Variants in MROH2B observed in about 807,000 individuals in gnomAD.
MROH2B encodes maestro heat like repeat family member 2B, also known as maestro heat-like repeat-containing protein family member 2B.
A neutral mutation model predicts 208.6 loss-of-function variants in MROH2B; 177 were observed. The observed-to-expected ratio is 0.85, with a 90% CI of 0.75 to 0.96. MROH2B has a LOEUF of 0.96. MROH2B is among the 40% of genes least tolerant of loss of function. The pLI, the probability that MROH2B is intolerant of heterozygous loss-of-function variation, is 0.00. For missense variants in MROH2B, 2,002 were observed against 1,878.7 expected, an observed-to-expected ratio of 1.07 and a Z score of -1.21; for synonymous variants, 728 against 659.0, an observed-to-expected ratio of 1.10 and a Z score of -1.60.
At chr5:41,046,086 A>G (rs1278079188) in intron 17 of MROH2B, among the ~76,000 whole-genome samples, 3 of 152,208 alleles carry the variant, frequency 2.0e-5, no homozygotes, top group African/African-American at 4.8e-5. Context: ...TGGAAAATCA[A>G]CTTCCTTTTC....
chr5:41,041,414 G>T (rs1742943299), intron 19 of MROH2B, among the ~76,000 whole-genome samples: 1 of 152,088 alleles, frequency 6.6e-6, no homozygotes, highest in South Asian at 2.1e-4. Context: ...ATCACCTGAG[G>T]TCAGGAGTTC....
chr5:41,044,835 G>T (rs76691074), intron 18 of MROH2B, among the ~76,000 whole-genome samples: 2,291 of 152,182 alleles, frequency 0.015, 61 homozygotes, highest in African/African-American at 0.052. Flanking sequence ...ACTTATGAAT[G>T]GTATTAGCAT....
At chr5:41,055,717 T>C (rs1743426029) in intron 10 of MROH2B, 25 bp downstream of exon 10, 3 of 1,565,342 alleles carry the variant, frequency 1.9e-6, no homozygotes, top group Non-Finnish European at 2.6e-6. Flanking sequence ...AAATAAACCA[T>C]GTTGGCTTCA....
intron 24 of MROH2B, among the ~76,000 whole-genome samples, chr5:41,023,162 C>A (rs937957168): frequency 6.6e-6 from 1 of 152,206 alleles, no homozygotes; most frequent in Non-Finnish European, 1.5e-5. Context: ...AAAGCAGCTC[C>A]TCACAAGCAA....
At chr5:41,021,805 A>T (rs1742158195) in intron 24 of MROH2B, among the ~76,000 whole-genome samples, 1 of 152,148 alleles carries the variant, frequency 6.6e-6, no homozygotes. Flanking sequence ...TGAGCCCAGG[A>T]GGTCAAGGTG....
intron 16 of MROH2B, 94 bp downstream of exon 16, chr5:41,048,230 A>G (rs1743181298): frequency 1.4e-6 from 2 of 1,410,258 alleles, no homozygotes. Flanking sequence ...TTTATTGCCT[A>G]AAATGAGCAT....
intron 28 of MROH2B, among the ~76,000 whole-genome samples, chr5:41,016,068 C>T (rs763935683): frequency 6.6e-6 from 1 of 151,956 alleles, no homozygotes; most frequent in Admixed American, 6.6e-5. Context: ...GGAAGGCAGC[C>T]TAGCCCAGTG....
chr5:41,026,772 A>C (rs1041734373), intron 24 of MROH2B, among the ~76,000 whole-genome samples: 3 of 152,214 alleles, frequency 2.0e-5, no homozygotes, highest in Admixed American at 2.0e-4. Flanking sequence ...GCATCACGCT[A>C]CCTGACTTTA....
intron 21 of MROH2B, among the ~76,000 whole-genome samples, chr5:41,038,201 T>C (rs1414660126): frequency 2.0e-5 from 3 of 152,138 alleles, no homozygotes. Flanking sequence ...TTGTAAGTCT[T>C]ATCATATAAA....
chr5:41,018,473 T>A, intron 26 of MROH2B, 43 bp from the exon 27 acceptor site: 1 of 1,577,676 alleles, frequency 6.3e-7, no homozygotes, highest in Non-Finnish European at 8.6e-7. Context: ...GTATTCTTCA[T>A]ATTCATCTAG....
At chr5:41,027,444 A>G (rs1228143646) in intron 24 of MROH2B, among the ~76,000 whole-genome samples, 1 of 152,206 alleles carries the variant, frequency 6.6e-6, no homozygotes, top group Non-Finnish European at 1.5e-5. Flanking sequence ...AAAAATGCTC[A>G]TCATCACTGG....
intron 24 of MROH2B, among the ~76,000 whole-genome samples, chr5:41,027,240 A>C (rs1252590931): frequency 1.3e-5 from 2 of 152,232 alleles, no homozygotes; most frequent in African/African-American, 4.8e-5. Context: ...CTACCATCAG[A>C]GTGAACAGAC....
chr5:41,069,449 A>G (rs1743914672), intron 2 of MROH2B, among the ~76,000 whole-genome samples: 1 of 152,164 alleles, frequency 6.6e-6, no homozygotes, highest in South Asian at 2.1e-4. Flanking sequence ...TGCCTGTATA[A>G]AGTTATAAAA....
In MROH2B at chr5:41,042,306, A is replaced by G. The variant is rs1414674399; in HGVS notation, c.1837-98T>C. ...TAAAATAATCATCTGAAGGAAAGAA[A>G]TTGGGGTGACTTAATAACCATGTAC... is the stretch of plus-strand genomic sequence containing the variant. On this transcript the variant is annotated intron_variant, in intron 18 of 41. Transcript: ENST00000399564. 6 of 707,162 alleles carry G rather than the reference A, an allele frequency of 8.5e-6. No individual in the cohort carries two copies. In the Admixed American group the frequency reaches 9.8e-5, roughly 11 times the overall value. The allele number at this position is 707,162 out of a possible 1,614,324, so 43.8% of individuals were successfully genotyped here. A position where few individuals can be genotyped will look rare whatever the true frequency, so the allele number is the denominator to read the frequency against.
intron 35 of MROH2B, 70 bp from the exon 36 acceptor site, chr5:41,004,990 C>T (rs1741530251): frequency 1.3e-6 from 2 of 1,548,496 alleles, no homozygotes; most frequent in East Asian, 2.3e-5. Flanking sequence ...GTGCCAAAGA[C>T]ATCACAAGTA....
rs569216958 is a variant in MROH2B at position 41,047,474 on chromosome 5, A to G, written c.1728+247T>C. Among the ~76,000 whole-genome samples the G allele has an allele frequency of 3.6e-3, 555 of 152,330 alleles. 3 individuals are homozygous for G. Among genetic ancestry groups the G allele is most frequent in the Non-Finnish European group, 5.6e-3 (381 of 68,024 alleles). ...AAGATTTAAGAAAGACACAGGAAAA[A>G]TATTGCTAAGTAAAATCTTCAAAAC... On this transcript the variant is annotated intron_variant, in intron 17 of 41. Coordinates refer to ENST00000399564, the MANE Select transcript of MROH2B (RefSeq NM_173489.5).
At chr5:41,024,198 T>C (rs1742263655) in intron 24 of MROH2B, among the ~76,000 whole-genome samples, 1 of 152,114 alleles carries the variant, frequency 6.6e-6, no homozygotes, top group Admixed American at 6.5e-5. Flanking sequence ...TAACCTTAAA[T>C]GTAAATGGGA....
rs1741889794 is a variant in MROH2B, at chr5:41,014,925, C to T, written c.2982+456G>A. ...AAACAGGAATTGTATTTTCTGCTTTCTTAGTGCCTAGAATAGAGCTTTACA... is the reference window on the plus strand; with the variant it reads ...AAACAGGAATTGTATTTTCTGCTTTTTTAGTGCCTAGAATAGAGCTTTACA... On this transcript the variant is annotated intron_variant, in intron 29 of 41. Coordinates refer to ENST00000399564, the MANE Select transcript of MROH2B (RefSeq NM_173489.5). Among the ~76,000 whole-genome samples the T allele has an allele frequency of 2.6e-5, 4 of 152,108 alleles. No homozygotes were observed. In the South Asian group the frequency reaches 8.3e-4, roughly 31 times the overall value.
At chr5:41,048,245 G>A in intron 16 of MROH2B, 79 bp downstream of exon 16, 1 of 1,451,510 alleles carries the variant, frequency 6.9e-7, no homozygotes, top group Non-Finnish European at 9.1e-7. Context: ...GAGCATTAAT[G>A]GCTTTACACA....
Sources: allele counts gnomAD v4.1 joint callset (sites outside exome capture counted in the v4.1 genomes callset), GRCh38; gene constraint gnomAD v4.1.1; transcripts MANE v1.5; gene names NCBI Gene and HGNC (gene_info 2026-07-23, HGNC 2026-07-21).